Variants in PID1 observed in about 807,000 individuals in gnomAD.
PID1 encodes PTB-containing, cubilin and LRP1-interacting protein.
Under a neutral mutation model 19.1 loss-of-function variants are expected in PID1, and 10 were observed. The ratio of observed to expected loss-of-function variants is 0.52; its 90% CI spans 0.32 to 0.89. The LOEUF is 0.89. Among genes scored for constraint, PID1 ranks in the 40% least tolerant of loss-of-function variants. The pLI, the probability that PID1 is intolerant of heterozygous loss-of-function variation, is 0.03. For missense variants in PID1, 248 were observed against 285.3 expected, an observed-to-expected ratio of 0.87 and a Z score of 0.94; for synonymous variants, 130 against 116.0, an observed-to-expected ratio of 1.12 and a Z score of -0.78.
intron 2 of PID1, among the ~76,000 whole-genome samples, chr2:229,096,470 C>A (rs561958267): frequency 1.3e-5 from 2 of 152,196 alleles, no homozygotes; most frequent in African/African-American, 4.8e-5. Context: ...GTAAAGATGT[C>A]TCCGTTTCAT....
At chr2:229,101,491 A>G (rs967234023) in intron 2 of PID1, among the ~76,000 whole-genome samples, 6 of 152,234 alleles carry the variant, frequency 3.9e-5, no homozygotes, top group African/African-American at 1.4e-4. Flanking sequence ...GATCAACAAC[A>G]GGAACTTGCT....
intron 2 of PID1, among the ~76,000 whole-genome samples, chr2:229,055,551 CTGATTA>C (rs57211619): frequency 0.016 from 2,360 of 152,242 alleles, 48 homozygotes; most frequent in African/African-American, 0.053. Context: ...GAAATTGATT[CTGATTA>C]TAACTATGAC....
intron 2 of PID1, among the ~76,000 whole-genome samples, chr2:229,145,500 T>A (rs902064877): frequency 2.0e-5 from 3 of 152,040 alleles, no homozygotes; most frequent in Admixed American, 2.0e-4. Context: ...TAAATTCAGA[T>A]AATAATTAAA....
At position 229,125,702 on chromosome 2, in the gene PID1, T is replaced by C. The variant is rs142171959; in HGVS notation, c.177+30116A>G. Among the ~76,000 whole-genome samples, 261 of 152,306 alleles carry C rather than the reference T, an allele frequency of 1.7e-3. 2 individuals carry two copies. Among genetic ancestry groups the C allele is most frequent in the African/African-American group, 5.9e-3 (245 of 41,566 alleles). ...AAATAAAAGATGAGGATACACGGTT[T>C]TGCTGAAAATCTTCCCATTCCTTAA... On this transcript the variant is annotated intron_variant, in intron 2 of 2. Coordinates refer to ENST00000392055, the MANE Select transcript of PID1 (RefSeq NM_001100818.2).
chr2:229,082,132 T>C (rs535709789), intron 2 of PID1, among the ~76,000 whole-genome samples: 4 of 152,350 alleles, frequency 2.6e-5, no homozygotes, highest in Non-Finnish European at 4.4e-5. Flanking sequence ...GATGTCACCA[T>C]GATACTCAGA....
intron 1 of PID1, among the ~76,000 whole-genome samples, chr2:229,163,403 C>T (rs1463812944): frequency 2.0e-5 from 3 of 152,078 alleles, no homozygotes; most frequent in South Asian, 2.1e-4. Context: ...ATTTAAAAGG[C>T]GCTCTATATC....
chr2:229,228,930 G>A (rs1692142271), intron 1 of PID1, among the ~76,000 whole-genome samples: 1 of 152,142 alleles, frequency 6.6e-6, no homozygotes, highest in Non-Finnish European at 1.5e-5. Flanking sequence ...ATTCCTTGTT[G>A]GTTCTCTACC....
At chr2:229,081,413 CAA>C (rs1694666939) in intron 2 of PID1, among the ~76,000 whole-genome samples, 2 of 152,148 alleles carry the variant, frequency 1.3e-5, no homozygotes, top group South Asian at 4.2e-4. Flanking sequence ...AAATGTGACT[CAA>C]GAGAAAAATA....
At chr2:229,237,437 C>A (rs1425826485) in intron 1 of PID1, among the ~76,000 whole-genome samples, 1 of 152,134 alleles carries the variant, frequency 6.6e-6, no homozygotes, top group Non-Finnish European at 1.5e-5. Context: ...ACTGACCTAA[C>A]AAGCATTATT....
At chr2:229,171,287 T>A (rs1437841507) in intron 1 of PID1, among the ~76,000 whole-genome samples, 1 of 152,212 alleles carries the variant, frequency 6.6e-6, no homozygotes, top group Non-Finnish European at 1.5e-5. Flanking sequence ...ATTCCAGGGC[T>A]TCAAGTGGTC....
At chr2:229,174,664 A>AT (rs900747761) in intron 1 of PID1, among the ~76,000 whole-genome samples, 6 of 144,426 alleles carry the variant, frequency 4.2e-5, no homozygotes, top group African/African-American at 9.8e-5. Flanking sequence ...TGGTACAGAG[A>AT]TTTTTTTTGC....
chr2:229,121,205 G>C (rs1228990297), intron 2 of PID1, among the ~76,000 whole-genome samples: 2 of 152,110 alleles, frequency 1.3e-5, no homozygotes, highest in African/African-American at 4.8e-5. Flanking sequence ...AGAGCCACCT[G>C]TCCATACACC....
chr2:229,144,013 C>A (rs142354724), intron 2 of PID1, among the ~76,000 whole-genome samples: 1 of 152,086 alleles, frequency 6.6e-6, no homozygotes, highest in South Asian at 2.1e-4. Flanking sequence ...CAAATAGGAT[C>A]AGGTTCCTGA....
intron 1 of PID1, among the ~76,000 whole-genome samples, chr2:229,189,762 C>T (rs1348708282): frequency 2.6e-5 from 4 of 152,138 alleles, no homozygotes; most frequent in Admixed American, 2.0e-4. Flanking sequence ...TAACGCAGAA[C>T]AGTCGAGGGG....
chr2:229,206,797 A>C (rs1046836624), intron 1 of PID1, among the ~76,000 whole-genome samples: 1 of 152,166 alleles, frequency 6.6e-6, no homozygotes, highest in African/African-American at 2.4e-5. Flanking sequence ...CCAAGAGCCT[A>C]TTTATTTCTC....
At chr2:229,096,030 T>C (rs1186601809) in intron 2 of PID1, among the ~76,000 whole-genome samples, 1 of 152,170 alleles carries the variant, frequency 6.6e-6, no homozygotes, top group Non-Finnish European at 1.5e-5. Flanking sequence ...TGTCAAATGA[T>C]GTTGGAGAAT....
At chr2:229,149,226 ATAATAAAAC>A (rs1394982549) in intron 2 of PID1, among the ~76,000 whole-genome samples, 2 of 152,180 alleles carry the variant, frequency 1.3e-5, no homozygotes, top group Non-Finnish European at 2.9e-5. Flanking sequence ...GGGTGGTCAC[ATAATAAAAC>A]TAATATTTTC....
chr2:229,164,030 T>G (rs1179953753), intron 1 of PID1, among the ~76,000 whole-genome samples: 3 of 152,182 alleles, frequency 2.0e-5, no homozygotes, highest in Non-Finnish European at 2.9e-5. Context: ...AAAAGGAACA[T>G]TCCCTCATGG....
At chr2:229,098,207 A>G (rs1408306604) in intron 2 of PID1, among the ~76,000 whole-genome samples, 1 of 152,218 alleles carries the variant, frequency 6.6e-6, no homozygotes, top group Non-Finnish European at 1.5e-5. Flanking sequence ...CCTTCCAGAG[A>G]AAAGAAGCTT....
Sources: gnomAD v4.1 joint callset for allele counts (sites outside exome capture counted in the v4.1 genomes callset) on GRCh38, gnomAD v4.1.1 for gene constraint, MANE v1.5 for transcripts, NCBI Gene and HGNC (gene_info 2026-07-23, HGNC 2026-07-21) for gene names.